DPT: variants seen among roughly 807,000 people sequenced by gnomAD.
The protein encoded by DPT is dermatopontin, also known as tyrosine-rich acidic matrix protein.
DPT carries 21 observed loss-of-function variants against 31.2 expected under a neutral mutation model. The observed-to-expected ratio is 0.67, with a 90% CI of 0.48 to 0.97. The LOEUF (loss-of-function observed/expected upper bound fraction) is 0.97, where lower values mean the gene tolerates loss of function less well. Among genes scored for constraint, DPT ranks in the 50% least tolerant of loss-of-function variants. The pLI is 0.00. For missense variants in DPT, 262 were observed against 258.8 expected (o/e 1.01, Z -0.08); for synonymous variants, 91 against 86.9 (o/e 1.05, Z -0.26).
At position 168,720,546 on chromosome 1, in the gene DPT, T is replaced by C. The variant is rs563848931; in HGVS notation, c.306-6200A>G. Among the ~76,000 whole-genome samples, 13 of 152,286 alleles carry C rather than the reference T, an allele frequency of 8.5e-5. No homozygotes were observed. In the South Asian group the frequency reaches 2.7e-3, roughly 32 times the overall value. On this transcript the variant is annotated intron_variant, in intron 1 of 3. Coordinates refer to ENST00000367817, the MANE Select transcript of DPT (RefSeq NM_001937.5). ...GTAAAAGGAAGCAGCACCATCTTGG[T>C]CAAGAACTCTCAAAATTTCATTAAA...
At chr1:168,720,360 A>C (rs2101910499) in intron 1 of DPT, among the ~76,000 whole-genome samples, 1 of 152,312 alleles carries the variant, frequency 6.6e-6, no homozygotes, top group East Asian at 1.9e-4. Flanking sequence ...TTCTTTACCA[A>C]GTCCAAAGCT....
intron 3 of DPT, 95 bp downstream of exon 3, chr1:168,700,922 T>A: frequency 1.3e-6 from 1 of 745,076 alleles, no homozygotes; most frequent in Non-Finnish European, 2.4e-6. Flanking sequence ...TGTGTGTGTG[T>A]GTGTGTTTAT....
At chr1:168,710,535 C>T (rs1468230341) in intron 2 of DPT, among the ~76,000 whole-genome samples, 1 of 152,166 alleles carries the variant, frequency 6.6e-6, no homozygotes, top group Non-Finnish European at 1.5e-5. Context: ...TGAGCAGAGA[C>T]ATGAATATCT....
intron 3 of DPT, among the ~76,000 whole-genome samples, chr1:168,700,806 G>A (rs1234872316): frequency 1.3e-5 from 2 of 152,012 alleles, no homozygotes; most frequent in African/African-American, 4.8e-5. Flanking sequence ...CCTTGACCAG[G>A]TAGGAAACTA....
intron 3 of DPT, among the ~76,000 whole-genome samples, chr1:168,699,620 G>T (rs1649543993): frequency 6.7e-6 from 1 of 149,722 alleles, no homozygotes; most frequent in African/African-American, 2.5e-5. Context: ...AGAAATTCTA[G>T]GTCATATTAA....
intron 1 of DPT, among the ~76,000 whole-genome samples, chr1:168,726,940 G>A (rs555175009): frequency 2.6e-5 from 4 of 152,224 alleles, no homozygotes; most frequent in Non-Finnish European, 5.9e-5. Context: ...CACAGCCCCG[G>A]CACCCTCACC....
At chr1:168,725,515 C>A (rs1337217058) in intron 1 of DPT, among the ~76,000 whole-genome samples, 1 of 152,160 alleles carries the variant, frequency 6.6e-6, no homozygotes, top group Non-Finnish European at 1.5e-5. Flanking sequence ...GACCCAGTGC[C>A]CTACAGCCTG....
At chr1:168,721,110 C>G (rs1650103383) in intron 1 of DPT, among the ~76,000 whole-genome samples, 1 of 152,130 alleles carries the variant, frequency 6.6e-6, no homozygotes, top group Non-Finnish European at 1.5e-5. Context: ...GTACCAAAGA[C>G]AGAGGAGCAG....
rs572324062 is a variant in DPT at position 168,700,866 on chromosome 1, T to A, written c.539+151A>T. 2.0e-5 allele frequency: 12 copies of A among 589,140 alleles called. No individual in the cohort carries two copies. In the South Asian group the frequency reaches 2.6e-4, roughly 13 times the overall value. The allele number at this position is 589,140 out of a possible 1,614,324, so 36.5% of individuals were successfully genotyped here. On this transcript the variant is annotated intron_variant, in intron 3 of 3. Transcript: ENST00000367817. Reference sequence around the variant, plus strand: ...GTTCCTGCAGAAATATATGTGCATGTAAGAAATTTTCACTTGTATTCTACG... The same window carrying A: ...GTTCCTGCAGAAATATATGTGCATGAAAGAAATTTTCACTTGTATTCTACG...
intron 1 of DPT, among the ~76,000 whole-genome samples, chr1:168,724,212 A>T (rs1326327107): frequency 6.6e-6 from 1 of 152,232 alleles, no homozygotes; most frequent in Non-Finnish European, 1.5e-5. Context: ...AGCGATCCTT[A>T]AGAAATCTTG....
In DPT at chr1:168,723,488, G is replaced by A. The variant is rs117442643; in HGVS notation, c.305+5382C>T. 3.0e-4 allele frequency among the ~76,000 whole-genome samples: 46 copies of A among 152,312 alleles called. 2 individuals carry two copies. In the East Asian group the frequency reaches 8.1e-3, roughly 27 times the overall value. On this transcript the variant is annotated intron_variant, in intron 1 of 3. Transcript: ENST00000367817. Reference sequence around the variant, plus strand: ...ATAAACAAATGAACATATAAATGAGGAATACTCTATAAATCATAAATCACC... The same window carrying A: ...ATAAACAAATGAACATATAAATGAGAAATACTCTATAAATCATAAATCACC...
chr1:168,697,469 G>A (rs756545018), intron 3 of DPT, among the ~76,000 whole-genome samples: 13 of 152,298 alleles, frequency 8.5e-5, no homozygotes, highest in Middle Eastern at 3.4e-3. Context: ...CACAAGAATT[G>A]TTATGAATTG....
chr1:168,701,162 A>G (rs1649588243), intron 2 of DPT, 38 bp from the exon 3 acceptor site: 21 of 1,461,320 alleles, frequency 1.4e-5, no homozygotes, highest in Non-Finnish European at 1.9e-5. Context: ...AAAATGAAAC[A>G]CATTATTATT....
intron 2 of DPT, among the ~76,000 whole-genome samples, chr1:168,703,393 G>A (rs1243714196): frequency 1.3e-5 from 2 of 152,202 alleles, no homozygotes; most frequent in Non-Finnish European, 2.9e-5. Flanking sequence ...GAAGTTTTAA[G>A]CTTCAAAGAA....
chr1:168,724,581 G>A (rs531608305), intron 1 of DPT, among the ~76,000 whole-genome samples: 1 of 152,192 alleles, frequency 6.6e-6, no homozygotes, highest in Admixed American at 6.5e-5. Context: ...CAAGGGCATT[G>A]TAGGAAACAA....
chr1:168,714,134 C>A (rs889529869), intron 2 of DPT, 87 bp downstream of exon 2: 8 of 1,576,128 alleles, frequency 5.1e-6, no homozygotes, highest in Non-Finnish European at 6.9e-6. Context: ...TTGTGTGTGA[C>A]CCTCAAGCTT....
At chr1:168,711,174 C>T (rs1027381452) in intron 2 of DPT, among the ~76,000 whole-genome samples, 13 of 81,606 alleles carry the variant, frequency 1.6e-4, no homozygotes, top group African/African-American at 1.1e-3. Flanking sequence ...CCAAGCCTGG[C>T]TAATTTTTTT....
At chr1:168,719,321 T>C (rs1650048880) in intron 1 of DPT, among the ~76,000 whole-genome samples, 2 of 152,170 alleles carry the variant, frequency 1.3e-5, no homozygotes, top group Non-Finnish European at 2.9e-5. Flanking sequence ...ATTTTCACTT[T>C]TAACAAAGCT....
intron 1 of DPT, among the ~76,000 whole-genome samples, chr1:168,719,496 G>A (rs182747275): frequency 2.1e-4 from 32 of 152,190 alleles, no homozygotes; most frequent in African/African-American, 5.3e-4. Flanking sequence ...GATGGGTAGC[G>A]GTCAAATGAC....
Sources: allele counts gnomAD v4.1 joint callset (sites outside exome capture counted in the v4.1 genomes callset), GRCh38; gene constraint gnomAD v4.1.1; transcripts MANE v1.5; gene names NCBI Gene and HGNC (gene_info 2026-07-23, HGNC 2026-07-21).